MTX2: variants seen among roughly 807,000 people sequenced by gnomAD.
MTX2 encodes metaxin-2.
A neutral mutation model predicts 42.3 loss-of-function variants in MTX2; 35 were observed. That is an observed-to-expected ratio of 0.83 (90% CI 0.63 to 1.10). MTX2 has a LOEUF of 1.10. MTX2 is among the 50% of genes least tolerant of loss of function. The pLI, the probability that MTX2 is intolerant of heterozygous loss-of-function variation, is 0.00. For missense variants in MTX2, 307 were observed against 304.1 expected (o/e 1.01, Z -0.07); for synonymous variants, 119 against 100.9 (o/e 1.18, Z -1.08).
chr2:176,296,460 T>C (rs1355971500), intron 1 of MTX2, among the ~76,000 whole-genome samples: 1 of 152,196 alleles, frequency 6.6e-6, no homozygotes, highest in Non-Finnish European at 1.5e-5. Flanking sequence ...AAAATATTAT[T>C]TCACTACAAT....
At chr2:176,277,656 C>T (rs1692980327) in intron 1 of MTX2, among the ~76,000 whole-genome samples, 1 of 152,148 alleles carries the variant, frequency 6.6e-6, no homozygotes, top group Non-Finnish European at 1.5e-5. Flanking sequence ...CCCACCCCGG[C>T]CTCCCAAAGT....
At chr2:176,286,411 G>C (rs1187411752) in intron 1 of MTX2, among the ~76,000 whole-genome samples, 1 of 152,124 alleles carries the variant, frequency 6.6e-6, no homozygotes, top group Non-Finnish European at 1.5e-5. Context: ...GGTTGTGAGA[G>C]GGAAGTTCTG....
chr2:176,275,888 A>C (rs970934166), intron 1 of MTX2, among the ~76,000 whole-genome samples: 2 of 152,202 alleles, frequency 1.3e-5, no homozygotes, highest in African/African-American at 4.8e-5. Flanking sequence ...AGAGGTGTTG[A>C]GCACTAAACA....
chr2:176,290,749 T>G (rs1055864172), intron 1 of MTX2, among the ~76,000 whole-genome samples: 1 of 91,634 alleles, frequency 1.1e-5, no homozygotes, highest in Non-Finnish European at 2.3e-5. Flanking sequence ...GAATAACTAG[T>G]TTTTTTTTTT....
chr2:176,277,559 C>T (rs1377945292), intron 1 of MTX2, among the ~76,000 whole-genome samples: 1 of 152,050 alleles, frequency 6.6e-6, no homozygotes, highest in African/African-American at 2.4e-5. Context: ...TGTGCCACCA[C>T]ACCTGGCTAA....
intron 1 of MTX2, among the ~76,000 whole-genome samples, chr2:176,281,986 G>C (rs1044517428): frequency 6.6e-6 from 1 of 152,142 alleles, no homozygotes; most frequent in African/African-American, 2.4e-5. Flanking sequence ...TCATTTGTCT[G>C]TGTGTCTTTG....
intron 2 of MTX2, among the ~76,000 whole-genome samples, chr2:176,297,131 G>A (rs1364193252): frequency 6.6e-6 from 1 of 152,166 alleles, no homozygotes; most frequent in Admixed American, 6.5e-5. Flanking sequence ...TATATTGGCT[G>A]CTGTAGGCGG....
At chr2:176,270,296 G>C (rs766225701) in intron 1 of MTX2, 17 of 1,278,812 alleles carry the variant, frequency 1.3e-5, no homozygotes, top group Admixed American at 2.4e-5. Context: ...TTAGCCTCCC[G>C]AGTAGTTGGG....
At chr2:176,330,896 A>T (rs534313870) in intron 9 of MTX2, among the ~76,000 whole-genome samples, 1 of 151,096 alleles carries the variant, frequency 6.6e-6, no homozygotes, top group Non-Finnish European at 1.5e-5. Context: ...ATGTAAATCA[A>T]TCATTGTATG....
intron 1 of MTX2, among the ~76,000 whole-genome samples, chr2:176,282,453 T>C (rs1306103998): frequency 6.6e-6 from 1 of 152,090 alleles, no homozygotes; most frequent in Non-Finnish European, 1.5e-5. Flanking sequence ...TTGGTAAATA[T>C]CTAAACTCGT....
Position 176,323,406 on chromosome 2 carries a change from G to A in MTX2, c.150G>A (p.Met50Ile). The A allele has an allele frequency of 2.5e-6, 4 of 1,611,156 alleles. No individual in the cohort carries two copies. The African/African-American group carries it at 4.0e-5, about 16-fold the overall frequency. Residue 50 changes from methionine to isoleucine, a missense_variant, in exon 4 of 10, where the codon ATG becomes ATA. Transcript: ENST00000249442. Reference protein sequence around the residue: ...ASLAVQAFLQMCNLPIKVVCR... With the variant: ...ASLAVQAFLQICNLPIKVVCR... ...TTGATTTACAGGCCTTTTTGCAAAT[G>A]TGTAACTTGCCTATCAAAGTAGTTT...
chr2:176,293,612 G>A (rs890411422), intron 1 of MTX2, among the ~76,000 whole-genome samples: 1 of 152,102 alleles, frequency 6.6e-6, no homozygotes, highest in South Asian at 2.1e-4. Flanking sequence ...TGCTCTTGCT[G>A]TGTGTGACAC....
chr2:176,320,460 ACT>A (rs1434377296), intron 3 of MTX2, among the ~76,000 whole-genome samples: 1 of 151,842 alleles, frequency 6.6e-6, no homozygotes, highest in African/African-American at 2.4e-5. Context: ...GTTATTTCAA[ACT>A]CTTTTTTGTT....
chr2:176,303,245 T>A (rs897185319), intron 3 of MTX2, among the ~76,000 whole-genome samples: 3 of 152,156 alleles, frequency 2.0e-5, no homozygotes, highest in Admixed American at 2.0e-4. Context: ...TGACAAAACT[T>A]TATTAAAGCC....
intron 1 of MTX2, among the ~76,000 whole-genome samples, chr2:176,295,262 T>C (rs1446151423): frequency 6.6e-6 from 1 of 152,164 alleles, no homozygotes; most frequent in Non-Finnish European, 1.5e-5. Context: ...TTTGATGATT[T>C]AGAATTTTAT....
At chr2:176,295,709 G>A (rs2105412227) in intron 1 of MTX2, among the ~76,000 whole-genome samples, 1 of 152,178 alleles carries the variant, frequency 6.6e-6, no homozygotes, top group South Asian at 2.1e-4. Context: ...TAAAGCATAA[G>A]TAAAAGCAAA....
intron 1 of MTX2, among the ~76,000 whole-genome samples, chr2:176,295,369 C>A (rs1558930403): frequency 6.6e-6 from 1 of 152,096 alleles, no homozygotes; most frequent in African/African-American, 2.4e-5. Context: ...GAGTAATTGG[C>A]TAATGTCAGC....
At chr2:176,318,298 C>G (rs1490157546) in intron 3 of MTX2, among the ~76,000 whole-genome samples, 2 of 151,834 alleles carry the variant, frequency 1.3e-5, no homozygotes, top group Non-Finnish European at 1.5e-5. Context: ...TGATACCTTA[C>G]CCCTTCAAGT....
Position 176,328,297 on chromosome 2 carries a change from A to G in MTX2, c.290A>G (p.His97Arg), listed in dbSNP as rs138355379. The change falls in exon 6 of 10, where the codon CAT becomes CGT. Residue 97 changes from histidine to arginine, a missense_variant. His to Arg is a conservative substitution (Grantham distance 29, BLOSUM62 0). Transcript: ENST00000249442. ...PIVQFVKAKG[H>R]SLSDGLEEVQ... The stretch of plus-strand genomic sequence containing the variant: ...ATTTTTTTAAATTCCCTTTAGGGCC[A>G]TTCTCTTAGTGATGGGCTGGAGGAA... 3.8e-6 allele frequency: 6 copies of G among 1,558,696 alleles called. No homozygotes were observed. The East Asian group carries it at 1.2e-4, about 30-fold the overall frequency.
Sources: allele counts gnomAD v4.1 joint callset (sites outside exome capture counted in the v4.1 genomes callset), GRCh38; gene constraint gnomAD v4.1.1; transcripts MANE v1.5; gene names NCBI Gene and HGNC (gene_info 2026-07-23, HGNC 2026-07-21).